SELENOP: variants seen among roughly 807,000 people sequenced by gnomAD.
The protein encoded by SELENOP is selenoprotein P, also known as selenoprotein P, plasma, 1.
In SELENOP, 36 loss-of-function variants were observed where a neutral mutation model predicts 41.0. That is an observed-to-expected ratio of 0.88 (90% CI 0.67 to 1.16). SELENOP has a LOEUF of 1.16. SELENOP is among the 50% of genes most tolerant of loss of function. The pLI is 0.00. For synonymous variants in SELENOP, 144 were observed against 150.8 expected (o/e 0.95, Z 0.33); for missense variants, 440 against 454.2 (o/e 0.97, Z 0.28).
intron 3 of SELENOP, chr5:42,805,687 A>G (rs1047882651): frequency 1.3e-5 from 2 of 152,188 alleles, no homozygotes; most frequent in African/African-American, 4.8e-5. Context: ...TAATTAGAAG[A>G]TATGGTTATT....
In SELENOP at chr5:42,800,884, A is replaced by C. The variant is rs1282353306; in HGVS notation, c.982T>G (p.Cys328Gly). 1.2e-6 allele frequency: 2 copies of C among 1,614,220 alleles called. No individual in the cohort carries two copies. Among genetic ancestry groups the C allele is most frequent in the Middle Eastern group, 1.6e-4 (1 of 6,062 alleles). The change falls in exon 5 of 5, where the codon TGT (cysteine) becomes GGT (glycine). Residue 328 changes from cysteine (C) to glycine (G), a missense_variant. Transcript: ENST00000514985. ...UQCKENLPSLCSUQGLRAEEN... is the reference protein window; with the variant it reads ...UQCKENLPSLGSUQGLRAEEN... Reference sequence around the variant, plus strand: ...TCTGCCCGAAGTCCCTGTCAGCTACATAAAGATGGGAGGTTTTCTTTACAC... The same window carrying C: ...TCTGCCCGAAGTCCCTGTCAGCTACCTAAAGATGGGAGGTTTTCTTTACAC...
chr5:42,810,459 A>T (rs1226675723), intron 1 of SELENOP, among the ~76,000 whole-genome samples: 1 of 151,862 alleles, frequency 6.6e-6, no homozygotes, highest in African/African-American at 2.4e-5. Context: ...TTATCTATTT[A>T]TTTATTTATT....
intron 4 of SELENOP, chr5:42,802,002 T>A (rs1760216706): frequency 6.6e-6 from 1 of 152,220 alleles, no homozygotes; most frequent in Non-Finnish European, 1.5e-5. Flanking sequence ...TCTAATACTA[T>A]ATGATACTGT....
chr5:42,806,734 A>G (rs1760337101), intron 3 of SELENOP, 162 bp downstream of exon 3: 2 of 445,074 alleles, frequency 4.5e-6, no homozygotes, highest in Admixed American at 7.3e-5. Flanking sequence ...ATAAGGAGTG[A>G]TTTTTACTTC....
In SELENOP at chr5:42,799,956, T is replaced by A. The variant is rs113324887; in HGVS notation, c.*764A>T. On this transcript the variant is annotated 3_prime_UTR_variant, in exon 5 of 5. Coordinates refer to ENST00000514985, the MANE Select transcript of SELENOP (RefSeq NM_005410.4). ...AATTCTGTACTGCATTCTTGCTTAA[T>A]AGTATTAACCATAAAGGAGGTCAGG... 1.5e-6 allele frequency: 1 copy of A among 647,248 alleles called. No individual in the cohort carries two copies. Among genetic ancestry groups the A allele is most frequent in the East Asian group, 3.1e-5 (1 of 32,418 alleles). 40.1% of individuals were successfully genotyped at this position (647,248 alleles called of 1,614,324 possible).
chr5:42,807,322 A>C (rs230820), intron 2 of SELENOP: 181,064 of 331,824 alleles, frequency 0.55, 49,993 homozygotes, highest in Admixed American at 0.61. Flanking sequence ...CTTATGCTTA[A>C]ACAAACATTG....
intron 4 of SELENOP, chr5:42,801,686 G>A: frequency 3.6e-6 from 1 of 278,802 alleles, no homozygotes; most frequent in Non-Finnish European, 6.6e-6. Context: ...GGTGGCCGAG[G>A]GGGGCAGATT....
In SELENOP at chr5:42,800,043, A is replaced by G. The variant is rs1760145638; in HGVS notation, c.*677T>C. On this transcript the variant is annotated 3_prime_UTR_variant, in exon 5 of 5. Coordinates refer to ENST00000514985, the MANE Select transcript of SELENOP (RefSeq NM_005410.4). ...ACTATGGAAATACTTACTAAGCAAT[A>G]TAGAGACAGACAATATTATCTTTCC... 2 of 359,696 alleles carry G rather than the reference A, an allele frequency of 5.6e-6. No individual in the cohort carries two copies. The highest frequency in any genetic ancestry group is 4.4e-5 in the South Asian group (1 of 22,648). The allele number at this position is 359,696 out of a possible 1,614,324, so 22.3% of individuals were successfully genotyped here.
At chr5:42,805,080 T>G (rs1760302888) in intron 3 of SELENOP, 1 of 179,668 alleles carries the variant, frequency 5.6e-6, no homozygotes, top group Admixed American at 6.2e-5. Context: ...ACTTATAAAT[T>G]CTACCAGTGC....
intron 4 of SELENOP, chr5:42,802,440 C>T (rs1320351645): frequency 6.6e-6 from 1 of 152,180 alleles, no homozygotes; most frequent in Non-Finnish European, 1.5e-5. Context: ...CATACAACTA[C>T]TAAGTGGTAC....
At chr5:42,804,267 C>A (rs1050787701) in intron 4 of SELENOP, among the ~76,000 whole-genome samples, 1 of 152,186 alleles carries the variant, frequency 6.6e-6, no homozygotes, top group Non-Finnish European at 1.5e-5. Context: ...CGAGACCATC[C>A]TGGCTAACAC....
intron 4 of SELENOP, among the ~76,000 whole-genome samples, chr5:42,802,867 C>T (rs770248929): frequency 2.0e-5 from 3 of 152,184 alleles, no homozygotes; most frequent in African/African-American, 4.8e-5. Context: ...CCTCGGCCTC[C>T]CAAAGTGCTG....
chr5:42,800,015 T>C lies in SELENOP; in HGVS notation c.*705A>G, dbSNP rs1301183195. On this transcript the variant is annotated 3_prime_UTR_variant, in exon 5 of 5. Coordinates refer to ENST00000514985, the MANE Select transcript of SELENOP (RefSeq NM_005410.4). ...GTTTGGTTTACCTATTAAACCATCA[T>C]TGACTATGGAAATACTTACTAAGCA... 4.6e-5 allele frequency: 21 copies of C among 453,038 alleles called. No individual in the cohort carries two copies. The highest frequency in any genetic ancestry group is 8.1e-5 in the Non-Finnish European group (21 of 258,456). The allele number at this position is 453,038 out of a possible 1,614,324, so 28.1% of individuals were successfully genotyped here.
intron 2 of SELENOP, chr5:42,807,656 C>A (rs1760362113): frequency 6.5e-6 from 1 of 154,902 alleles, no homozygotes; most frequent in African/African-American, 2.4e-5. Flanking sequence ...GAGGGGGATC[C>A]TGGAACCAAT....
chr5:42,810,781 G>T, intron 1 of SELENOP: 2 of 1,088,630 alleles, frequency 1.8e-6, no homozygotes, highest in Non-Finnish European at 2.3e-6. Flanking sequence ...GCAAGTAGCT[G>T]AATGGTGAAT....
chr5:42,811,115 G>A (rs1760449600), intron 1 of SELENOP, among the ~76,000 whole-genome samples: 1 of 152,118 alleles, frequency 6.6e-6, no homozygotes, highest in Admixed American at 6.6e-5. Context: ...AAATTTCATG[G>A]CCACATTCAG....
At chr5:42,807,196 T>G in intron 2 of SELENOP, 88 bp from the exon 3 acceptor site, 1 of 654,600 alleles carries the variant, frequency 1.5e-6, no homozygotes, top group East Asian at 2.6e-5. Flanking sequence ...ATTTTCTATG[T>G]GAAACTCTCC....
In SELENOP at chr5:42,806,960, C is replaced by T; in HGVS notation, c.352G>A (p.Glu118Lys). ...AGAGTCCAGACATCTGTTTGGTTTT[C>T]TTCTTGTTGATAAACAGGAATATGC... ...SEHIPVYQQE[E>K]NQTDVWTLLN... The change falls in exon 3 of 5, where the codon GAA (glutamate) becomes AAA (lysine). Residue 118 changes from glutamate (E) to lysine (K), a missense_variant. Coordinates refer to ENST00000514985, the MANE Select transcript of SELENOP (RefSeq NM_005410.4). 1 of 1,612,208 alleles carries T rather than the reference C, an allele frequency of 6.2e-7. No homozygotes were observed. Among genetic ancestry groups the T allele is most frequent in the Non-Finnish European group, 8.5e-7 (1 of 1,178,908 alleles).
intron 2 of SELENOP, chr5:42,807,324 C>A (rs1760355172): frequency 3.1e-6 from 1 of 321,970 alleles, no homozygotes; most frequent in African/African-American, 2.0e-5. Flanking sequence ...TATGCTTAAA[C>A]AAACATTGGT....
Sources: allele counts gnomAD v4.1 joint callset (sites outside exome capture counted in the v4.1 genomes callset), GRCh38; gene constraint gnomAD v4.1.1; transcripts MANE v1.5; gene names NCBI Gene and HGNC (gene_info 2026-07-23, HGNC 2026-07-21).